MAEL: variants seen among roughly 807,000 people sequenced by gnomAD.
The protein encoded by MAEL is maelstrom spermatogenic transposon silencer, also known as protein maelstrom homolog.
MAEL carries 46 observed loss-of-function variants against 62.0 expected under a neutral mutation model. That is an observed-to-expected ratio of 0.74 (90% confidence interval 0.59 to 0.95). The LOEUF (loss-of-function observed/expected upper bound fraction) is 0.95, where lower values mean the gene tolerates loss of function less well. Ranked by LOEUF, MAEL falls within the 40% of genes least tolerant of loss-of-function variation. The pLI is 0.00. For missense variants in MAEL, 497 were observed against 526.8 expected, an observed-to-expected ratio of 0.94 and a Z score of 0.55; for synonymous variants, 172 against 175.5, an observed-to-expected ratio of 0.98 and a Z score of 0.16.
chr1:166,981,321 C>T (rs1414853713), intron 1 of MAEL, among the ~76,000 whole-genome samples: 1 of 152,214 alleles, frequency 6.6e-6, no homozygotes, highest in Non-Finnish European at 1.5e-5. Flanking sequence ...TTCGTCATCT[C>T]TCCTTTTCTT....
intron 9 of MAEL, 95 bp downstream of exon 9, chr1:167,016,379 T>A (rs1215819491): frequency 1.8e-6 from 2 of 1,133,616 alleles, no homozygotes; most frequent in African/African-American, 1.5e-5. Flanking sequence ...TCGGGGTAAC[T>A]CTGTTTCCAC....
intron 1 of MAEL, among the ~76,000 whole-genome samples, chr1:166,981,238 T>A (rs1305181961): frequency 6.6e-6 from 1 of 152,202 alleles, no homozygotes; most frequent in Admixed American, 6.5e-5. Context: ...AGTAGGTGCC[T>A]TTTACATAGA....
Position 167,018,015 on chromosome 1 carries a change from A to T in MAEL, c.1041+56A>T, listed in dbSNP as rs371499665. 111 of 1,538,178 alleles carry T rather than the reference A, an allele frequency of 7.2e-5. 1 individual carries two copies. The South Asian group carries it at 1.2e-3, about 17-fold the overall frequency. ...CTCTTTAGCTGTTCTACTCAATGTG[A>T]TTCTGGCCAACAGAAACAAAAGATC... On this transcript the variant is annotated intron_variant, in intron 10 of 11. Transcript: ENST00000367872.
chr1:167,010,351 G>A (rs6681562), intron 8 of MAEL, among the ~76,000 whole-genome samples: 58,781 of 151,656 alleles, frequency 0.39, 12,430 homozygotes, highest in African/African-American at 0.58. Context: ...ATACAGTAAT[G>A]TTAGGTTTTT....
At chr1:166,983,966 C>T (rs995132616) in intron 1 of MAEL, among the ~76,000 whole-genome samples, 3 of 146,424 alleles carry the variant, frequency 2.0e-5, no homozygotes, top group Non-Finnish European at 4.5e-5. Context: ...TGCACCACTG[C>T]ACTCGAACCT....
At chr1:167,021,505 A>C (rs1390489136) in intron 11 of MAEL, among the ~76,000 whole-genome samples, 163 bp from the exon 12 acceptor site, 1 of 152,232 alleles carries the variant, frequency 6.6e-6, no homozygotes, top group African/African-American at 2.4e-5. Flanking sequence ...GTACCTAAAG[A>C]ACTTCAATTA....
intron 5 of MAEL, among the ~76,000 whole-genome samples, chr1:167,002,500 G>C (rs528230734): frequency 1.2e-3 from 188 of 152,282 alleles, no homozygotes; most frequent in Non-Finnish European, 1.4e-3. Context: ...TTATTTTCGA[G>C]TGCTAAACAG....
At chr1:166,994,826 T>C (rs1017304491) in intron 5 of MAEL, among the ~76,000 whole-genome samples, 1 of 151,704 alleles carries the variant, frequency 6.6e-6, no homozygotes, top group African/African-American at 2.4e-5. Flanking sequence ...CATGCCACGG[T>C]GCCCAGCTAA....
At chr1:167,002,966 C>G (rs1486091320) in intron 5 of MAEL, among the ~76,000 whole-genome samples, 1 of 152,062 alleles carries the variant, frequency 6.6e-6, no homozygotes, top group Non-Finnish European at 1.5e-5. Flanking sequence ...TCTTCCTTTC[C>G]AAGATTTTGG....
At chr1:167,020,017 C>T (rs1665556717) in intron 10 of MAEL, among the ~76,000 whole-genome samples, 1 of 152,126 alleles carries the variant, frequency 6.6e-6, no homozygotes, top group East Asian at 1.9e-4. Context: ...ATCTCAATTT[C>T]AAACATCCCC....
In MAEL at chr1:167,022,005, T is replaced by A. The variant is rs1413117274; in HGVS notation, c.*150T>A. 1 of 614,892 alleles carries A rather than the reference T, an allele frequency of 1.6e-6. No individual in the cohort carries two copies. The highest frequency in any genetic ancestry group is 3.0e-5 in the East Asian group (1 of 33,400). The allele number at this position is 614,892 out of a possible 1,614,324, so 38.1% of individuals were successfully genotyped here. On this transcript the variant is annotated 3_prime_UTR_variant, in exon 12 of 12. Coordinates refer to ENST00000367872, the MANE Select transcript of MAEL (RefSeq NM_032858.3). ...AAATTGTTTCATAGATTTAAAAAAA[T>A]TGTGGTTGGAGAGCATCTTGGCATT...
intron 4 of MAEL, among the ~76,000 whole-genome samples, chr1:166,993,661 G>C (rs1664286326): frequency 6.6e-6 from 1 of 152,124 alleles, no homozygotes; most frequent in Non-Finnish European, 1.5e-5. Flanking sequence ...TAAAAAGATA[G>C]AATTTGGGGA....
At position 167,004,299 on chromosome 1, in the gene MAEL, T is replaced by C. The variant is rs1288262214; in HGVS notation, c.643T>C (p.Cys215Arg). 6.3e-7 allele frequency: 1 copy of C among 1,591,778 alleles called. No individual in the cohort carries two copies. The highest frequency in any genetic ancestry group is 1.4e-5 in the African/African-American group (1 of 73,662). Residue 215 changes from cysteine (C) to arginine (R), a missense_variant, in exon 6 of 12, where the codon TGC (cysteine) becomes CGC (arginine). Transcript: ENST00000367872. Reference sequence around the variant, plus strand: ...CCCAGGGAACTGGCCACCTATCTACTGCAAGGTAATTTCAGGTTAAGAAGT... The same window carrying C: ...CCCAGGGAACTGGCCACCTATCTACCGCAAGGTAATTTCAGGTTAAGAAGT... ...PNPGNWPPIY[C>R]KSDDRTRVNW... is the part of the protein sequence containing the mutation.
intron 1 of MAEL, 97 bp downstream of exon 1, chr1:166,989,581 T>C (rs1266607047): frequency 2.0e-6 from 3 of 1,515,438 alleles, no homozygotes; most frequent in African/African-American, 2.8e-5. Flanking sequence ...TCAGGCGGCT[T>C]GGCCCTGCCA....
At chr1:167,012,916 A>C (rs572182391) in intron 8 of MAEL, among the ~76,000 whole-genome samples, 66 of 152,310 alleles carry the variant, frequency 4.3e-4, no homozygotes, top group South Asian at 1.2e-3. Flanking sequence ...CCATTAGAAA[A>C]AGTTTTAAAC....
chr1:167,012,582 TAATAAA>T (rs1665212194), intron 8 of MAEL: 2 of 152,158 alleles, frequency 1.3e-5, no homozygotes, highest in African/African-American at 4.8e-5. Flanking sequence ...ATACAGTACA[TAATAAA>T]GAAAATGGTA....
At chr1:166,996,502 G>C (rs1664432302) in intron 5 of MAEL, among the ~76,000 whole-genome samples, 1 of 152,162 alleles carries the variant, frequency 6.6e-6, no homozygotes, top group Non-Finnish European at 1.5e-5. Flanking sequence ...TTCAAAGGAA[G>C]CTTCTACACA....
At chr1:166,981,046 G>A (rs1328643037) in intron 1 of MAEL, among the ~76,000 whole-genome samples, 1 of 152,246 alleles carries the variant, frequency 6.6e-6, no homozygotes, top group Non-Finnish European at 1.5e-5. Flanking sequence ...GGGCAGGGAA[G>A]AGAGCTAGAA....
rs1184791510 is a variant in MAEL, at chr1:167,005,379, A to G, written c.827A>G (p.Asp276Gly). The G allele has an allele frequency of 6.2e-7, 1 of 1,610,300 alleles. No homozygotes were observed. Among genetic ancestry groups the G allele is most frequent in the Non-Finnish European group, 8.5e-7 (1 of 1,178,718 alleles). Residue 276 changes from aspartate (D) to glycine (G), a missense_variant, in exon 8 of 12, where the codon GAT (aspartate) becomes GGT (glycine). Transcript: ENST00000367872. Reference protein sequence around the residue: ...IRSLLDVAMWDYSSNTRCKWH... With the variant: ...IRSLLDVAMWGYSSNTRCKWH... ...AGCCTCCTAGATGTGGCCATGTGGG[A>G]TTATTCTAGCAACACAAGGTATTGC... is the stretch of plus-strand genomic sequence containing the variant.
Sources: allele counts gnomAD v4.1 joint callset (sites outside exome capture counted in the v4.1 genomes callset), GRCh38; gene constraint gnomAD v4.1.1; transcripts MANE v1.5; gene names NCBI Gene and HGNC (gene_info 2026-07-23, HGNC 2026-07-21).